Variants in ZFHX3 observed in about 807,000 individuals in gnomAD.
ZFHX3 encodes zinc finger homeobox protein 3.
A neutral mutation model predicts 279.1 loss-of-function variants in ZFHX3; 42 were observed. That is an observed-to-expected ratio of 0.15 (90% CI 0.12 to 0.19). The LOEUF (loss-of-function observed/expected upper bound fraction) is 0.19. ZFHX3 is among the 10% of genes least tolerant of loss of function. The pLI is 1.00. For missense variants in ZFHX3, 4,981 were observed against 4,754.0 expected, an observed-to-expected ratio of 1.05 and a Z score of -1.40; for synonymous variants, 2,293 against 1,957.8, an observed-to-expected ratio of 1.17 and a Z score of -4.52.
chr16:72,841,194 T>C (rs953030306), intron 4 of ZFHX3, among the ~76,000 whole-genome samples: 14 of 152,280 alleles, frequency 9.2e-5, no homozygotes, highest in African/African-American at 3.4e-4. Flanking sequence ...AAGGTGCGTC[T>C]ACACGTGGAA....
chr16:73,047,876 G>A lies in ZFHX3; in HGVS notation c.-174C>T, dbSNP rs1237432142. 2 of 152,310 alleles carry A rather than the reference G, an allele frequency of 1.3e-5. No individual in the cohort carries two copies. Among genetic ancestry groups the A allele is most frequent in the East Asian group, 3.9e-4 (2 of 5,172 alleles). 9.4% of individuals were successfully genotyped at this position (152,310 alleles called of 1,614,324 possible). On this transcript the variant is annotated 5_prime_UTR_variant, in exon 1 of 10. Coordinates refer to ENST00000268489, the MANE Select transcript of ZFHX3 (RefSeq NM_006885.4). Reference sequence around the variant, plus strand: ...CGAGCCCCGAGCTCACCCACCCCAGGCGGCATGCTCCCCACCTCCCGCTGG... The same window carrying A: ...CGAGCCCCGAGCTCACCCACCCCAGACGGCATGCTCCCCACCTCCCGCTGG...
Position 72,958,332 on chromosome 16 carries a change from G to C in ZFHX3, c.1814C>G (p.Pro605Arg). 1 of 1,614,024 alleles carries C rather than the reference G, an allele frequency of 6.2e-7. No individual in the cohort carries two copies. The highest frequency in any genetic ancestry group is 8.5e-7 in the Non-Finnish European group (1 of 1,179,890). ...ATCGTCACCCTCTGTGCTTTCATTTGGTTCTGGTGCTGTGGCATTGTCTTT... is the reference window on the plus strand; with the variant it reads ...ATCGTCACCCTCTGTGCTTTCATTTCGTTCTGGTGCTGTGGCATTGTCTTT... ...ANKDNATAPEPNESTEGDDGG... is the reference protein window; with the variant it reads ...ANKDNATAPERNESTEGDDGG... The change falls in exon 2 of 10, where the codon CCA becomes CGA. Residue 605 changes from proline to arginine, a missense_variant. Coordinates refer to ENST00000268489, the MANE Select transcript of ZFHX3 (RefSeq NM_006885.4).
intron 1 of ZFHX3, among the ~76,000 whole-genome samples, chr16:73,018,137 C>T (rs1964170568): frequency 6.6e-6 from 1 of 151,904 alleles, no homozygotes; most frequent in Non-Finnish European, 1.5e-5. Flanking sequence ...AGGCATGCGC[C>T]ATCACACCCG....
intron 4 of ZFHX3, among the ~76,000 whole-genome samples, chr16:73,286,472 T>C (rs1393298355): frequency 6.6e-6 from 1 of 152,156 alleles, no homozygotes; most frequent in Non-Finnish European, 1.5e-5. Flanking sequence ...TCAAATTGTG[T>C]GGTTGGTGTA....
At chr16:73,183,942 C>G (rs908703817) in intron 5 of ZFHX3, among the ~76,000 whole-genome samples, 1 of 152,054 alleles carries the variant, frequency 6.6e-6, no homozygotes, top group African/African-American at 2.4e-5. Flanking sequence ...AAATTAAAAA[C>G]AGTTGTGAAA....
chr16:73,716,277 T>C (rs1428575045), intron 1 of ZFHX3, among the ~76,000 whole-genome samples: 1 of 151,998 alleles, frequency 6.6e-6, no homozygotes, highest in Non-Finnish European at 1.5e-5. Flanking sequence ...TTTTCAAAGA[T>C]CACTAAAATG....
Position 72,829,833 on chromosome 16 carries a change from G to T in ZFHX3, c.3475C>A (p.Pro1159Thr). ...PEEAIEDVEG[P>T]SETAADPEEL... ...TCTGGATCAGCAGCTGTTTCACTGG[G>T]TCCTTCAACATCTTCAATGGCTTCT... The change falls in exon 5 of 10, where the codon CCC becomes ACC. Residue 1159 changes from proline (P) to threonine (T), a missense_variant. Coordinates refer to ENST00000268489, the MANE Select transcript of ZFHX3 (RefSeq NM_006885.4). 2 of 1,614,128 alleles carry T rather than the reference G, an allele frequency of 1.2e-6. No individual in the cohort carries two copies. The highest frequency in any genetic ancestry group is 1.7e-6 in the Non-Finnish European group (2 of 1,180,022).
intron 2 of ZFHX3, among the ~76,000 whole-genome samples, chr16:73,621,515 G>T (rs1177380841): frequency 6.6e-6 from 1 of 152,124 alleles, no homozygotes; most frequent in African/African-American, 2.4e-5. Context: ...TAATCTAAAT[G>T]GTTGTGTTTA....
chr16:73,106,864 T>C (rs942531351), intron 7 of ZFHX3, among the ~76,000 whole-genome samples: 1 of 152,184 alleles, frequency 6.6e-6, no homozygotes, highest in Admixed American at 6.5e-5. Context: ...ATGCACTTGG[T>C]CACCACATGA....
At chr16:73,870,910 C>A (rs960924486) in intron 1 of ZFHX3, among the ~76,000 whole-genome samples, 2 of 152,142 alleles carry the variant, frequency 1.3e-5, no homozygotes, top group Admixed American at 1.3e-4. Flanking sequence ...CCAACAATGA[C>A]TCAATGGGCA....
chr16:73,172,944 T>C (rs1242149464), intron 5 of ZFHX3, among the ~76,000 whole-genome samples: 1 of 147,208 alleles, frequency 6.8e-6, no homozygotes, highest in African/African-American at 2.5e-5. Context: ...TTTTTTTTTT[T>C]TTTTCTTTCT....
chr16:73,346,138 C>T (rs1223232891), intron 3 of ZFHX3, among the ~76,000 whole-genome samples: 1 of 152,116 alleles, frequency 6.6e-6, no homozygotes, highest in Non-Finnish European at 1.5e-5. Flanking sequence ...TGAGAGACCC[C>T]CAGTCAAATC....
At chr16:72,899,890 G>A (rs997077245) in intron 3 of ZFHX3, among the ~76,000 whole-genome samples, 3 of 152,056 alleles carry the variant, frequency 2.0e-5, no homozygotes, top group Admixed American at 6.6e-5. Flanking sequence ...GGATGGAAAC[G>A]AACATCTACT....
intron 3 of ZFHX3, among the ~76,000 whole-genome samples, chr16:73,323,630 C>T (rs1045517057): frequency 4.6e-5 from 7 of 152,184 alleles, no homozygotes; most frequent in East Asian, 1.9e-4. Context: ...CAGAATTTGC[C>T]GGGTTAAAAG....
chr16:73,742,445 C>G (rs992766267), intron 1 of ZFHX3, among the ~76,000 whole-genome samples: 2 of 152,144 alleles, frequency 1.3e-5, no homozygotes. Flanking sequence ...CTTCTTCCAC[C>G]ACCAGCAGCA....
At chr16:73,299,745 T>C (rs1007422045) in intron 4 of ZFHX3, among the ~76,000 whole-genome samples, 3 of 152,088 alleles carry the variant, frequency 2.0e-5, no homozygotes, top group Admixed American at 2.0e-4. Flanking sequence ...ATCGTGCAAA[T>C]CATAGGGCCT....
rs936343131 is a variant in ZFHX3 at position 73,700,694 on chromosome 16, G to A, written c.-1607-20454C>T. On this transcript the variant is annotated intron_variant, in intron 1 of 17. Coordinates refer to the ZFHX3 transcript ENST00000641206. ...CACATGCCATTAAAAGTTTATTAGC[G>A]TGATTATTTTTAAAGAAATACCACT... Among the ~76,000 whole-genome samples, 18 of 152,126 alleles carry A rather than the reference G, an allele frequency of 1.2e-4. No homozygotes were observed. The East Asian group carries it at 1.5e-3, about 13-fold the overall frequency.
chr16:73,483,685 A>T (rs1310524356), intron 2 of ZFHX3, among the ~76,000 whole-genome samples: 5 of 152,136 alleles, frequency 3.3e-5, no homozygotes, highest in East Asian at 1.9e-4. Context: ...GCTGTTTTAC[A>T]TTCCTGGTAT....
chr16:73,211,978 A>G (rs1255786357), intron 5 of ZFHX3, among the ~76,000 whole-genome samples: 2 of 152,162 alleles, frequency 1.3e-5, no homozygotes, highest in Non-Finnish European at 2.9e-5. Flanking sequence ...GCTAAAAACA[A>G]TGACAACGAG....
Sources: gnomAD v4.1 joint callset for allele counts (sites outside exome capture counted in the v4.1 genomes callset) on GRCh38, gnomAD v4.1.1 for gene constraint, MANE v1.5 for transcripts, NCBI Gene and HGNC (gene_info 2026-07-23, HGNC 2026-07-21) for gene names.